GLDC: variants seen among roughly 807,000 people sequenced by gnomAD.
The protein encoded by GLDC is glycine dehydrogenase (decarboxylating), mitochondrial.
GLDC carries 104 observed loss-of-function variants against 121.3 expected under a neutral mutation model. The observed-to-expected ratio is 0.86, with a 90% CI of 0.73 to 1.01. GLDC has a LOEUF of 1.01. Among genes scored for constraint, GLDC ranks in the 50% least tolerant of loss-of-function variants. GLDC has a pLI of 0.00. For missense variants in GLDC, 1,429 were observed against 1,306.6 expected (o/e 1.09, Z -1.44); for synonymous variants, 546 against 480.6 (o/e 1.14, Z -1.78).
At chr9:6,618,603 G>A (rs1045420544) in intron 3 of GLDC, among the ~76,000 whole-genome samples, 4 of 152,088 alleles carry the variant, frequency 2.6e-5, no homozygotes, top group African/African-American at 9.7e-5. Flanking sequence ...CACCATGCCT[G>A]GCCTTTTTGG....
intron 22 of GLDC, among the ~76,000 whole-genome samples, chr9:6,539,526 A>G (rs983641933): frequency 1.3e-5 from 2 of 152,192 alleles, no homozygotes; most frequent in Non-Finnish European, 2.9e-5. Context: ...AATATTAATA[A>G]CATTGTTCAC....
At chr9:6,592,394 C>G (rs1172634962) in intron 10 of GLDC, among the ~76,000 whole-genome samples, 171 bp from the exon 11 acceptor site, 1 of 152,162 alleles carries the variant, frequency 6.6e-6, no homozygotes, top group Admixed American at 6.5e-5. Flanking sequence ...TAGACCAGTC[C>G]CAGGTTTCAC....
intron 17 of GLDC, among the ~76,000 whole-genome samples, chr9:6,556,936 T>C (rs1817645904): frequency 6.6e-6 from 1 of 152,204 alleles, no homozygotes; most frequent in South Asian, 2.1e-4. Flanking sequence ...TTGGTTCAAG[T>C]CATCTCAATA....
intron 11 of GLDC, chr9:6,591,801 C>G (rs1818380164): frequency 9.2e-6 from 3 of 327,452 alleles, no homozygotes; most frequent in Non-Finnish European, 1.8e-5. Context: ...TCAGGCTGGT[C>G]TTGAACTCCT....
intron 15 of GLDC, among the ~76,000 whole-genome samples, chr9:6,581,474 G>C (rs1444278093): frequency 6.6e-6 from 1 of 152,196 alleles, no homozygotes; most frequent in Non-Finnish European, 1.5e-5. Flanking sequence ...CCCCAAATAA[G>C]ACACAAGCAT....
At chr9:6,643,728 T>C (rs112272583) in intron 2 of GLDC, among the ~76,000 whole-genome samples, 1 of 152,094 alleles carries the variant, frequency 6.6e-6, no homozygotes, top group Non-Finnish European at 1.5e-5. Context: ...CTTATTTGTG[T>C]GTTTTTCTAG....
intron 14 of GLDC, 123 bp from the exon 15 acceptor site, chr9:6,587,406 A>C (rs751904438): frequency 1.2e-5 from 9 of 734,960 alleles, no homozygotes; most frequent in Non-Finnish European, 1.4e-5. Context: ...AGCGCTATAC[A>C]TATGTTAATT....
chr9:6,644,424 A>T, intron 2 of GLDC, 190 bp downstream of exon 2: 1 of 641,806 alleles, frequency 1.6e-6, no homozygotes, highest in East Asian at 2.7e-5. Flanking sequence ...CTCCTAACAC[A>T]AAACTGTCTG....
intron 3 of GLDC, among the ~76,000 whole-genome samples, chr9:6,617,157 T>G (rs1818982456): frequency 6.6e-6 from 1 of 152,224 alleles, no homozygotes; most frequent in South Asian, 2.1e-4. Context: ...GATGATAATG[T>G]GAAATCTACC....
intron 2 of GLDC, among the ~76,000 whole-genome samples, chr9:6,636,375 G>A (rs1036669027): frequency 1.3e-5 from 2 of 152,112 alleles, no homozygotes; most frequent in Admixed American, 6.6e-5. Context: ...TGCTCTGGTA[G>A]GCAATGCTGA....
intron 2 of GLDC, chr9:6,639,659 T>TAAA (rs202066422): frequency 9.1e-4 from 246 of 268,994 alleles, no homozygotes; most frequent in East Asian, 4.3e-3. Flanking sequence ...CTTTTCACCA[T>TAAA]AAAAAAAAAG....
intron 22 of GLDC, among the ~76,000 whole-genome samples, chr9:6,537,519 A>G (rs770668740): frequency 3.9e-5 from 6 of 152,180 alleles, no homozygotes; most frequent in Non-Finnish European, 7.3e-5. Flanking sequence ...TGGCTCACAC[A>G]CCTATAATCC....
chr9:6,629,959 T>TATATATATATATATGTATATATATATGTA (rs1449751329), intron 2 of GLDC, among the ~76,000 whole-genome samples: 1 of 55,870 alleles, frequency 1.8e-5, no homozygotes, highest in Admixed American at 1.7e-4. Context: ...ATATATATAT[T>TATATATATATATATGTATATATATATGTA]TTTTTTTTTT....
chr9:6,608,278 C>T (rs1222960540), intron 4 of GLDC, among the ~76,000 whole-genome samples: 1 of 144,522 alleles, frequency 6.9e-6, no homozygotes. Flanking sequence ...AACCCTTAGC[C>T]GGGCGTGGTG....
At chr9:6,587,003 T>C (rs1031511045) in intron 15 of GLDC, 138 bp downstream of exon 15, 6 of 745,584 alleles carry the variant, frequency 8.0e-6, no homozygotes, top group African/African-American at 1.7e-5. Flanking sequence ...CTTCTAGCCA[T>C]GCTCTCCCCA....
chr9:6,640,526 A>G (rs1819608396), intron 2 of GLDC, among the ~76,000 whole-genome samples: 3 of 152,226 alleles, frequency 2.0e-5, no homozygotes, highest in Admixed American at 2.0e-4. Flanking sequence ...ACTGCCCTCC[A>G]TTAACCATTT....
chr9:6,574,899 C>G lies in GLDC; in HGVS notation c.1851-9470G>C, dbSNP rs1370028513. Among the ~76,000 whole-genome samples, 4 of 152,044 alleles carry G rather than the reference C, an allele frequency of 2.6e-5. No homozygotes were observed. In the East Asian group the frequency reaches 7.7e-4, roughly 29 times the overall value. On this transcript the variant is annotated intron_variant, in intron 15 of 24. Transcript: ENST00000321612. Reference sequence around the variant, plus strand: ...AGACGGCAAATAGTGGGCTTTTGACCCTCCCTGCACTAAATTATTTGTGAT... The same window carrying G: ...AGACGGCAAATAGTGGGCTTTTGACGCTCCCTGCACTAAATTATTTGTGAT...
chr9:6,587,334 G>A, intron 14 of GLDC, 51 bp from the exon 15 acceptor site: 1 of 1,308,406 alleles, frequency 7.6e-7, no homozygotes, highest in South Asian at 1.2e-5. Context: ...AATAGCAATA[G>A]CAATAATAAC....
At chr9:6,642,233 T>G (rs985653095) in intron 2 of GLDC, among the ~76,000 whole-genome samples, 1 of 152,058 alleles carries the variant, frequency 6.6e-6, no homozygotes, top group Non-Finnish European at 1.5e-5. Context: ...AGCTGCTAGG[T>G]TTAAAATTTA....
Sources: gnomAD v4.1 joint callset for allele counts (sites outside exome capture counted in the v4.1 genomes callset) on GRCh38, gnomAD v4.1.1 for gene constraint, MANE v1.5 for transcripts, NCBI Gene and HGNC (gene_info 2026-07-23, HGNC 2026-07-21) for gene names.